ITCH: variants seen among roughly 807,000 people sequenced by gnomAD.
ITCH encodes the protein itchy E3 ubiquitin protein ligase, also known as E3 ubiquitin-protein ligase Itchy homolog.
In ITCH, 28 loss-of-function variants were observed where a neutral mutation model predicts 126.8. The observed-to-expected ratio is 0.22, with a 90% CI of 0.16 to 0.30. The LOEUF is 0.30. Among genes scored for constraint, ITCH ranks in the 10% least tolerant of loss-of-function variants. ITCH has a pLI of 1.00. For missense variants in ITCH, 631 were observed against 1,032.4 expected, an observed-to-expected ratio of 0.61 and a Z score of 5.33; for synonymous variants, 342 against 340.0, an observed-to-expected ratio of 1.01 and a Z score of -0.06.
chr20:34,501,156 G>A (rs1674456004), intron 23 of ITCH, among the ~76,000 whole-genome samples: 1 of 152,218 alleles, frequency 6.6e-6, no homozygotes, highest in African/African-American at 2.4e-5. Context: ...TAGAGGTGGT[G>A]TATGTAATTC....
chr20:34,494,802 T>A (rs1364214680), intron 23 of ITCH, among the ~76,000 whole-genome samples: 1 of 150,004 alleles, frequency 6.7e-6, no homozygotes, highest in Non-Finnish European at 1.5e-5. Context: ...CTACAGAAAA[T>A]TTAGAAGTTA....
At chr20:34,503,912 C>T (rs1207332345) in intron 23 of ITCH, among the ~76,000 whole-genome samples, 3 of 114,064 alleles carry the variant, frequency 2.6e-5, no homozygotes, top group East Asian at 2.8e-4. Context: ...GATAGGGTCT[C>T]GTTCTGTCAC....
At chr20:34,442,171 GC>G in intron 9 of ITCH, 36 bp from the exon 10 acceptor site, 1 of 1,480,802 alleles carries the variant, frequency 6.8e-7, no homozygotes, top group Non-Finnish European at 9.4e-7. Context: ...GGTAACTCAT[GC>G]AAGTATTTTA....
intron 7 of ITCH, among the ~76,000 whole-genome samples, chr20:34,432,196 G>T (rs988769405): frequency 6.6e-6 from 1 of 152,122 alleles, no homozygotes; most frequent in Non-Finnish European, 1.5e-5. Context: ...ATCCCAAGAT[G>T]AGAGTAGATT....
chr20:34,397,284 G>A (rs2038711909), intron 3 of ITCH, among the ~76,000 whole-genome samples: 1 of 152,144 alleles, frequency 6.6e-6, no homozygotes, highest in East Asian at 1.9e-4. Flanking sequence ...GCCTCCCAAA[G>A]TACAGGGATT....
At position 34,408,520 on chromosome 20, in the gene ITCH, T is replaced by C; in HGVS notation, c.71-131T>C. On this transcript the variant is annotated intron_variant, in intron 3 of 24. Transcript: ENST00000374864. ...TACAAAGGTTATGAGTGAATAAAAT[T>C]GGTAAGTATTTTAGAGCAAAACTGC... The C allele has an allele frequency of 3.8e-6, 3 of 790,574 alleles. No individual in the cohort carries two copies. In the Admixed American group the frequency reaches 6.5e-5, roughly 17 times the overall value. The allele number at this position is 790,574 out of a possible 1,614,324, so 49.0% of individuals were successfully genotyped here.
intron 3 of ITCH, among the ~76,000 whole-genome samples, 174 bp from the exon 4 acceptor site, chr20:34,408,477 T>A (rs1978472269): frequency 6.6e-6 from 1 of 152,222 alleles, no homozygotes; most frequent in Non-Finnish European, 1.5e-5. Flanking sequence ...TATATTTATT[T>A]ACTAGGATGG....
At chr20:34,465,183 C>A (rs1188476034) in intron 14 of ITCH, among the ~76,000 whole-genome samples, 1 of 152,172 alleles carries the variant, frequency 6.6e-6, no homozygotes, top group East Asian at 1.9e-4. Flanking sequence ...GACTGTGGCA[C>A]CATTGTCAAT....
intron 20 of ITCH, among the ~76,000 whole-genome samples, chr20:34,486,146 C>T (rs1989096117): frequency 6.6e-6 from 1 of 151,996 alleles, no homozygotes. Context: ...TTCCAGGTAG[C>T]TGGAACCACA....
intron 2 of ITCH, among the ~76,000 whole-genome samples, chr20:34,370,445 C>G (rs2037579171): frequency 6.6e-6 from 1 of 152,098 alleles, no homozygotes; most frequent in Admixed American, 6.6e-5. Flanking sequence ...GGGCGGATCA[C>G]TTGAGGTCAG....
At chr20:34,446,056 CAT>C (rs1984413387) in intron 11 of ITCH, among the ~76,000 whole-genome samples, 1 of 152,136 alleles carries the variant, frequency 6.6e-6, no homozygotes, top group East Asian at 1.9e-4. Context: ...AGCAATATTG[CAT>C]TAATAGTGTA....
intron 3 of ITCH, 75 bp downstream of exon 3, chr20:34,393,956 G>C: frequency 1.5e-6 from 2 of 1,363,492 alleles, no homozygotes; most frequent in East Asian, 4.6e-5. Flanking sequence ...AGAGGGCCAG[G>C]CATGGTGGCC....
chr20:34,402,008 T>C, intron 3 of ITCH: 1 of 574,358 alleles, frequency 1.7e-6, no homozygotes. Flanking sequence ...TTGTCTCACA[T>C]GAGTACATGT....
intron 4 of ITCH, among the ~76,000 whole-genome samples, chr20:34,409,184 T>C (rs1978624078): frequency 7.4e-6 from 1 of 134,586 alleles, no homozygotes; most frequent in South Asian, 2.7e-4. Flanking sequence ...AATAGTGTTT[T>C]AGTTAGTTTT....
intron 23 of ITCH, among the ~76,000 whole-genome samples, chr20:34,501,648 G>C (rs1302744096): frequency 6.6e-6 from 1 of 152,060 alleles, no homozygotes; most frequent in Non-Finnish European, 1.5e-5. Context: ...GGTGGCACAT[G>C]CCTGTAATCC....
At chr20:34,459,450 G>A (rs75619002) in intron 13 of ITCH, among the ~76,000 whole-genome samples, 39 of 152,214 alleles carry the variant, frequency 2.6e-4, no homozygotes, top group South Asian at 2.1e-3. Flanking sequence ...TCCAGAGGTC[G>A]GAACTGATGC....
chr20:34,403,805 A>G (rs2038963412), intron 3 of ITCH, among the ~76,000 whole-genome samples: 1 of 152,208 alleles, frequency 6.6e-6, no homozygotes, highest in African/African-American at 2.4e-5. Flanking sequence ...ATGGGTATAA[A>G]AGAAAAAAGG....
At chr20:34,448,493 A>G (rs953845250) in intron 11 of ITCH, among the ~76,000 whole-genome samples, 1 of 152,142 alleles carries the variant, frequency 6.6e-6, no homozygotes, top group African/African-American at 2.4e-5. Context: ...AACAAAGAAC[A>G]GGAGAAAAGA....
Position 34,369,429 on chromosome 20 carries a change from C to T in ITCH, c.-63C>T, listed in dbSNP as rs143842156. The T allele has an allele frequency of 1.6e-3, 658 of 399,024 alleles. 2 individuals are homozygous for T. Among genetic ancestry groups the T allele is most frequent in the East Asian group, 0.011 (310 of 28,082 alleles). The allele number at this position is 399,024 out of a possible 1,614,324, so 24.7% of individuals were successfully genotyped here. A position where few individuals can be genotyped will look rare whatever the true frequency, so the allele number is the denominator to read the frequency against. On this transcript the variant is annotated 5_prime_UTR_variant, in exon 2 of 25. It adds an upstream start codon to the 5' untranslated region. Transcript: ENST00000374864. The stretch of plus-strand genomic sequence containing the variant: ...TTTCACGGTGGCCTTGTGGAGACAA[C>T]GCCTTAACCCAAGGAAGTGACTCAA...
Sources: gnomAD v4.1 joint callset for allele counts (sites outside exome capture counted in the v4.1 genomes callset) on GRCh38, gnomAD v4.1.1 for gene constraint, MANE v1.5 for transcripts, NCBI Gene and HGNC (gene_info 2026-07-23, HGNC 2026-07-21) for gene names.